The following VAPB variants were observed in gnomAD, a reference collection of about 807,000 sequenced individuals.
The protein encoded by VAPB is VAMP associated protein B and C.
Under a neutral mutation model 25.6 loss-of-function variants are expected in VAPB, and 7 were observed. The observed-to-expected ratio is 0.27, with a 90% confidence interval of 0.16 to 0.51. The LOEUF (loss-of-function observed/expected upper bound fraction) is 0.51, where lower values mean the gene tolerates loss of function less well. Ranked by LOEUF, VAPB falls within the 20% of genes least tolerant of loss-of-function variation. VAPB has a pLI of 0.97. For missense variants in VAPB, 266 were observed against 301.3 expected, an observed-to-expected ratio of 0.88 and a Z score of 0.87; for synonymous variants, 112 against 109.2, an observed-to-expected ratio of 1.03 and a Z score of -0.16.
In VAPB at chr20:58,450,657, T is replaced by A. The variant is rs1338573570; in HGVS notation, c.*6422T>A. ...CTGTTCTCTCCCTATTCTACGTCTT[T>A]CTCCCTATGTTGAAAAAAGATTCCC... On this transcript the variant is annotated 3_prime_UTR_variant, in exon 6 of 6. Transcript: ENST00000475243. 2.2e-6 allele frequency: 1 copy of A among 454,142 alleles called. No individual in the cohort carries two copies. Among genetic ancestry groups the A allele is most frequent in the South Asian group, 1.6e-5 (1 of 64,476 alleles). 28.1% of individuals were successfully genotyped at this position (454,142 alleles called of 1,614,324 possible).
At position 58,447,012 on chromosome 20, in the gene VAPB, T is replaced by C. The variant is rs1315499334; in HGVS notation, c.*2777T>C. ...TCAGATAATCGGGACGAAACTGGCA[T>C]GGAAAGAGCGAGCCTAGGGAGGATG... On this transcript the variant is annotated 3_prime_UTR_variant, in exon 6 of 6. Transcript: ENST00000475243. 1 of 453,872 alleles carries C rather than the reference T, an allele frequency of 2.2e-6. No individual in the cohort carries two copies. The highest frequency in any genetic ancestry group is 4.4e-6 in the Non-Finnish European group (1 of 226,744). The allele number at this position is 453,872 out of a possible 1,614,324, so 28.1% of individuals were successfully genotyped here.
At chr20:58,425,663 T>G (rs1346297168) in intron 2 of VAPB, among the ~76,000 whole-genome samples, 1 of 152,126 alleles carries the variant, frequency 6.6e-6, no homozygotes, top group African/African-American at 2.4e-5. Flanking sequence ...TTAGGAGGTA[T>G]AGTACAGCAC....
At chr20:58,409,485 A>G (rs1306902666) in intron 1 of VAPB, among the ~76,000 whole-genome samples, 1 of 152,224 alleles carries the variant, frequency 6.6e-6, no homozygotes, top group Non-Finnish European at 1.5e-5. Context: ...AACAAAATCC[A>G]TCAAAAGTCA....
intron 4 of VAPB, 198 bp downstream of exon 4, chr20:58,439,223 G>A (rs1244921713): frequency 1.2e-5 from 7 of 590,740 alleles, no homozygotes; most frequent in Non-Finnish European, 2.1e-5. Flanking sequence ...AAAGACAACT[G>A]ATTGACAGTG....
chr20:58,395,309 G>A (rs1225217740), intron 1 of VAPB, among the ~76,000 whole-genome samples: 2 of 152,004 alleles, frequency 1.3e-5, no homozygotes, highest in Non-Finnish European at 2.9e-5. Context: ...ATGCCACCAT[G>A]CCTAGCTAAT....
intron 1 of VAPB, among the ~76,000 whole-genome samples, chr20:58,404,277 C>T (rs1988171904): frequency 6.6e-6 from 1 of 152,212 alleles, no homozygotes. Flanking sequence ...GGCCACACCG[C>T]ATCTTTCCAG....
Position 58,447,097 on chromosome 20 carries a change from G to T in VAPB, c.*2862G>T, listed in dbSNP as rs866130544. The T allele has an allele frequency of 2.2e-6, 1 of 454,084 alleles. No individual in the cohort carries two copies. Among genetic ancestry groups the T allele is most frequent in the Non-Finnish European group, 4.4e-6 (1 of 226,776 alleles). 28.1% of individuals were successfully genotyped at this position (454,084 alleles called of 1,614,324 possible). A position where few individuals can be genotyped will look rare whatever the true frequency, so the allele number is the denominator to read the frequency against. The stretch of plus-strand genomic sequence containing the variant: ...GGCTGCCCTCCAGTCTGCTCCTGTG[G>T]TTACTGGCTCCACAGCACCTCAGAG... On this transcript the variant is annotated 3_prime_UTR_variant, in exon 6 of 6. Coordinates refer to ENST00000475243, the MANE Select transcript of VAPB (RefSeq NM_004738.5).
intron 1 of VAPB, among the ~76,000 whole-genome samples, chr20:58,395,148 G>C (rs1385996633): frequency 7.0e-6 from 1 of 141,962 alleles, no homozygotes; most frequent in Non-Finnish European, 1.5e-5. Flanking sequence ...ATCTCCAAAA[G>C]TGTCTTTTTT....
At position 58,389,802 on chromosome 20, in the gene VAPB, C is replaced by T. The variant is rs73177684; in HGVS notation, c.58+285C>T. ...AGGCACTTGTCACTTTGTAACTTAC[C>T]AGTTTGTGATCCTCTCTAGTGTGAG... On this transcript the variant is annotated intron_variant, in intron 1 of 5. Transcript: ENST00000475243. 0.036 allele frequency among the ~76,000 whole-genome samples: 5,420 copies of T among 152,282 alleles called. 136 individuals are homozygous for T. The highest frequency in any genetic ancestry group is 0.053 in the Non-Finnish European group (3,583 of 68,006).
Position 58,434,393 on chromosome 20 carries a change from G to A in VAPB, c.212-209G>A, listed in dbSNP as rs1988993637. On this transcript the variant is annotated intron_variant, in intron 2 of 5. Transcript: ENST00000475243. ...GACTGGGTCCTCGGCCTTATTCCCA[G>A]CTCTGTCATGCGTGATTTTGTGGCT... Among the ~76,000 whole-genome samples, 3 of 152,178 alleles carry A rather than the reference G, an allele frequency of 2.0e-5. No homozygotes were observed. The South Asian group carries it at 6.2e-4, about 31-fold the overall frequency.
At chr20:58,395,192 G>A (rs977980393) in intron 1 of VAPB, among the ~76,000 whole-genome samples, 1 of 127,388 alleles carries the variant, frequency 7.9e-6, no homozygotes, top group African/African-American at 3.1e-5. Flanking sequence ...TTGCTCTGTT[G>A]CCAGGCTGGA....
chr20:58,427,557 C>T (rs112279646), intron 2 of VAPB, among the ~76,000 whole-genome samples: 1 of 151,208 alleles, frequency 6.6e-6, no homozygotes, highest in African/African-American at 2.5e-5. Flanking sequence ...CAAAAGTGAT[C>T]TGTGATCTGT....
intron 4 of VAPB, chr20:58,439,324 A>G: frequency 2.5e-6 from 1 of 397,788 alleles, no homozygotes; most frequent in Non-Finnish European, 4.7e-6. Flanking sequence ...GGTTGCTGTT[A>G]AACAGTGGGT....
rs1236671805 is a variant in VAPB at position 58,447,511 on chromosome 20, C to T, written c.*3276C>T. Reference sequence around the variant, plus strand: ...CCAGTGATCCGTGAAAACCTAAACGCTTTCAAACAAATCCCAGGAACAGAA... The same window carrying T: ...CCAGTGATCCGTGAAAACCTAAACGTTTTCAAACAAATCCCAGGAACAGAA... On this transcript the variant is annotated 3_prime_UTR_variant, in exon 6 of 6. Coordinates refer to ENST00000475243, the MANE Select transcript of VAPB (RefSeq NM_004738.5). The T allele has an allele frequency of 1.1e-5, 5 of 453,996 alleles. No individual in the cohort carries two copies. The Admixed American group carries it at 1.2e-4, about 11-fold the overall frequency. The allele number at this position is 453,996 out of a possible 1,614,324, so 28.1% of individuals were successfully genotyped here.
In VAPB at chr20:58,449,163, C is replaced by A; in HGVS notation, c.*4928C>A. 2.2e-6 allele frequency: 1 copy of A among 454,120 alleles called. No homozygotes were observed. Among genetic ancestry groups the A allele is most frequent in the Non-Finnish European group, 4.4e-6 (1 of 226,800 alleles). The allele number at this position is 454,120 out of a possible 1,614,324, so 28.1% of individuals were successfully genotyped here. A position where few individuals can be genotyped will look rare whatever the true frequency, so the allele number is the denominator to read the frequency against. On this transcript the variant is annotated 3_prime_UTR_variant, in exon 6 of 6. Coordinates refer to ENST00000475243, the MANE Select transcript of VAPB (RefSeq NM_004738.5). Reference sequence around the variant, plus strand: ...ATGGGTCTGCCCCCAGCTTCACAGACCTCTTCCTCCAGCCTCTGAATCCCA... The same window carrying A: ...ATGGGTCTGCCCCCAGCTTCACAGAACTCTTCCTCCAGCCTCTGAATCCCA...
intron 1 of VAPB, among the ~76,000 whole-genome samples, chr20:58,403,121 C>T (rs942333800): frequency 2.6e-5 from 4 of 152,178 alleles, no homozygotes; most frequent in African/African-American, 4.8e-5. Flanking sequence ...GATGTAGACA[C>T]AGTGCATTTT....
In VAPB at chr20:58,444,405, A is replaced by C; in HGVS notation, c.*170A>C. The C allele has an allele frequency of 1.1e-6, 1 of 908,442 alleles. No individual in the cohort carries two copies. Among genetic ancestry groups the C allele is most frequent in the Non-Finnish European group, 1.8e-6 (1 of 563,908 alleles). 56.3% of individuals were successfully genotyped at this position (908,442 alleles called of 1,614,324 possible). On this transcript the variant is annotated 3_prime_UTR_variant, in exon 6 of 6. Transcript: ENST00000475243. ...CATACACAGATACACACACACAAAT[A>C]TAATGTAACGATCTTTTAGAAAGTT...
At chr20:58,443,251 T>G (rs2123103550) in intron 5 of VAPB, among the ~76,000 whole-genome samples, 1 of 152,242 alleles carries the variant, frequency 6.6e-6, no homozygotes, top group South Asian at 2.1e-4. Flanking sequence ...ATGCATTAAG[T>G]AGAAAATATT....
In VAPB at chr20:58,450,629, A is replaced by G. The variant is rs1419748369; in HGVS notation, c.*6394A>G. 2.2e-6 allele frequency: 1 copy of G among 453,992 alleles called. No individual in the cohort carries two copies. The highest frequency in any genetic ancestry group is 2.0e-5 in the African/African-American group (1 of 49,984). 28.1% of individuals were successfully genotyped at this position (453,992 alleles called of 1,614,324 possible). A position where few individuals can be genotyped will look rare whatever the true frequency, so the allele number is the denominator to read the frequency against. On this transcript the variant is annotated 3_prime_UTR_variant, in exon 6 of 6. Coordinates refer to ENST00000475243, the MANE Select transcript of VAPB (RefSeq NM_004738.5). ...TCTGAATAAATGGTTTCAGTAACCC[A>G]TGCTGTTCTCTCCCTATTCTACGTC...
Sources: gnomAD v4.1 joint callset for allele counts (sites outside exome capture counted in the v4.1 genomes callset) on GRCh38, gnomAD v4.1.1 for gene constraint, MANE v1.5 for transcripts, NCBI Gene and HGNC (gene_info 2026-07-23, HGNC 2026-07-21) for gene names.